Variants in ATRNL1 observed in about 807,000 individuals in gnomAD.
The protein encoded by ATRNL1 is attractin like 1, also known as attractin-like protein 1.
In ATRNL1, 95 loss-of-function variants were observed where a neutral mutation model predicts 182.7. That is an observed-to-expected ratio of 0.52 (90% CI 0.44 to 0.62). ATRNL1 has a LOEUF of 0.62. ATRNL1 is among the 20% of genes least tolerant of loss of function. The pLI is 0.00. For synonymous variants in ATRNL1, 576 were observed against 568.3 expected (o/e 1.01, Z -0.19); for missense variants, 1,471 against 1,679.5 (o/e 0.88, Z 2.17).
At chr10:115,599,903 A>G (rs930603857) in intron 26 of ATRNL1, among the ~76,000 whole-genome samples, 1 of 152,200 alleles carries the variant, frequency 6.6e-6, no homozygotes, top group Non-Finnish European at 1.5e-5. Flanking sequence ...GTATGTATCC[A>G]GTTAACCACC....
chr10:115,532,730 T>A (rs1199163835), intron 25 of ATRNL1, among the ~76,000 whole-genome samples: 20 of 151,244 alleles, frequency 1.3e-4, no homozygotes, highest in South Asian at 4.2e-4. Flanking sequence ...GCTTCCAGTT[T>A]TTGCCCATTC....
chr10:115,630,861 CACACACACACACAT>C (rs1555026144), intron 26 of ATRNL1, among the ~76,000 whole-genome samples: 1 of 144,298 alleles, frequency 6.9e-6, no homozygotes, highest in Non-Finnish European at 1.5e-5. Context: ...CACACACACA[CACACACACACACAT>C]TGGAATTTTT....
At chr10:115,566,092 T>C (rs2133850834) in intron 26 of ATRNL1, among the ~76,000 whole-genome samples, 1 of 152,228 alleles carries the variant, frequency 6.6e-6, no homozygotes, top group African/African-American at 2.4e-5. Flanking sequence ...AGTTTTCTTT[T>C]TTTCATTCTT....
Position 115,795,330 on chromosome 10 carries a change from T to C in ATRNL1, c.3904-52547T>C, listed in dbSNP as rs74354083. On this transcript the variant is annotated intron_variant, in intron 27 of 28. Coordinates refer to ENST00000355044, the MANE Select transcript of ATRNL1 (RefSeq NM_207303.4). ...TGATCCAGAATCCAAGGTTCATTTATCTGTTCCCATATTTATAACTCCTTT... is the reference window on the plus strand; with the variant it reads ...TGATCCAGAATCCAAGGTTCATTTACCTGTTCCCATATTTATAACTCCTTT... 0.011 allele frequency among the ~76,000 whole-genome samples: 1,693 copies of C among 152,280 alleles called. 92 individuals carry two copies. The East Asian group carries it at 0.17, about 15-fold the overall frequency.
intron 5 of ATRNL1, among the ~76,000 whole-genome samples, chr10:115,156,866 A>G (rs1846544575): frequency 6.6e-6 from 1 of 152,144 alleles, no homozygotes; most frequent in Admixed American, 6.6e-5. Flanking sequence ...GGAGTCTTGC[A>G]CATATAGTAT....
At chr10:115,908,822 G>T (rs1458250241) in intron 28 of ATRNL1, among the ~76,000 whole-genome samples, 3 of 152,114 alleles carry the variant, frequency 2.0e-5, no homozygotes, top group Non-Finnish European at 2.9e-5. Flanking sequence ...TAAAGTTGCT[G>T]CTGCCTCTCT....
At chr10:115,515,189 C>T (rs1217403211) in intron 24 of ATRNL1, among the ~76,000 whole-genome samples, 1 of 151,778 alleles carries the variant, frequency 6.6e-6, no homozygotes, top group African/African-American at 2.4e-5. Flanking sequence ...CTATTGATTC[C>T]CTCTTTTTCC....
intron 25 of ATRNL1, among the ~76,000 whole-genome samples, chr10:115,523,520 A>G (rs1554985787): frequency 6.6e-6 from 1 of 152,164 alleles, no homozygotes; most frequent in Non-Finnish European, 1.5e-5. Context: ...TATACATTCC[A>G]ACTCTAGGTT....
At chr10:115,221,368 T>C (rs547355674) in intron 9 of ATRNL1, among the ~76,000 whole-genome samples, 1 of 152,314 alleles carries the variant, frequency 6.6e-6, no homozygotes, top group South Asian at 2.1e-4. Flanking sequence ...ACCTCAGAAC[T>C]GGTTTCGGTT....
chr10:115,398,198 C>G (rs1398708996), intron 20 of ATRNL1, among the ~76,000 whole-genome samples: 1 of 151,842 alleles, frequency 6.6e-6, no homozygotes, highest in African/African-American at 2.4e-5. Context: ...TGTATTGTAC[C>G]TTGTGGAAGG....
At chr10:115,353,086 G>T (rs1318020909) in intron 19 of ATRNL1, among the ~76,000 whole-genome samples, 2 of 152,128 alleles carry the variant, frequency 1.3e-5, no homozygotes, top group Non-Finnish European at 2.9e-5. Flanking sequence ...GGTCCATCTG[G>T]TCTGTAGTGC....
intron 21 of ATRNL1, among the ~76,000 whole-genome samples, chr10:115,432,062 T>G (rs1017435339): frequency 2.0e-5 from 3 of 152,276 alleles, no homozygotes; most frequent in African/African-American, 7.2e-5. Context: ...TTTAAAATTT[T>G]CTAGTAGCTT....
At chr10:115,345,029 G>A (rs1253943216) in intron 19 of ATRNL1, among the ~76,000 whole-genome samples, 1 of 152,190 alleles carries the variant, frequency 6.6e-6, no homozygotes, top group Non-Finnish European at 1.5e-5. Context: ...GAAGTTAGGG[G>A]TCTCTTTTGG....
chr10:115,111,074 T>G (rs967260866), intron 1 of ATRNL1, among the ~76,000 whole-genome samples: 1 of 152,192 alleles, frequency 6.6e-6, no homozygotes, highest in Non-Finnish European at 1.5e-5. Flanking sequence ...ATTTTACAGA[T>G]AGCATAAAGT....
At chr10:115,111,830 T>A (rs1174429119) in intron 1 of ATRNL1, among the ~76,000 whole-genome samples, 3 of 152,096 alleles carry the variant, frequency 2.0e-5, no homozygotes, top group African/African-American at 4.8e-5. Flanking sequence ...GGAGAACATC[T>A]TTTTCTTGTG....
At chr10:115,916,726 T>C (rs1176390879) in intron 28 of ATRNL1, among the ~76,000 whole-genome samples, 1 of 152,146 alleles carries the variant, frequency 6.6e-6, no homozygotes, top group Non-Finnish European at 1.5e-5. Flanking sequence ...ACTCCCCAAC[T>C]ACTCTGTGTC....
chr10:115,268,834 G>T (rs1554911821), intron 13 of ATRNL1, among the ~76,000 whole-genome samples: 3 of 152,164 alleles, frequency 2.0e-5, no homozygotes, highest in African/African-American at 7.2e-5. Context: ...GTGGTCTAGT[G>T]CTTTGTTTTC....
intron 28 of ATRNL1, among the ~76,000 whole-genome samples, chr10:115,875,010 A>G (rs1275458788): frequency 1.3e-5 from 2 of 152,208 alleles, no homozygotes; most frequent in Non-Finnish European, 2.9e-5. Flanking sequence ...AGGAAAAATT[A>G]CAGTAATCCA....
intron 27 of ATRNL1, among the ~76,000 whole-genome samples, chr10:115,836,355 C>T (rs1223344316): frequency 6.6e-6 from 1 of 152,134 alleles, no homozygotes; most frequent in Non-Finnish European, 1.5e-5. Flanking sequence ...TACTCCTTGG[C>T]CATTCTGTTG....
Sources: allele counts gnomAD v4.1 joint callset (sites outside exome capture counted in the v4.1 genomes callset), GRCh38; gene constraint gnomAD v4.1.1; transcripts MANE v1.5; gene names NCBI Gene and HGNC (gene_info 2026-07-23, HGNC 2026-07-21).